The following CMPK2 variants were observed in gnomAD, a reference collection of about 807,000 sequenced individuals.
The protein encoded by CMPK2 is UMP-CMP kinase 2, mitochondrial.
In CMPK2, 32 loss-of-function variants were observed where a neutral mutation model predicts 33.4. That is an observed-to-expected ratio of 0.96 (90% CI 0.72 to 1.29). The LOEUF (loss-of-function observed/expected upper bound fraction) is 1.29, where lower values mean the gene tolerates loss of function less well. CMPK2 is among the 50% of genes most tolerant of loss of function. The probability of loss-of-function intolerance (pLI) is 0.00; values close to 1 mark genes in which losing one functional copy is unlikely to be tolerated. For synonymous variants in CMPK2, 299 were observed against 275.3 expected, an observed-to-expected ratio of 1.09 and a Z score of -0.85; for missense variants, 672 against 616.0, an observed-to-expected ratio of 1.09 and a Z score of -0.96.
chr2:6,859,279 T>C (rs2712043), intron 3 of CMPK2, among the ~76,000 whole-genome samples: 145,338 of 152,300 alleles, frequency 0.95, 69,701 homozygotes, highest in East Asian at 1. Context: ...GACAATGTGA[T>C]AGAAAAGAAA....
intron 3 of CMPK2, among the ~76,000 whole-genome samples, chr2:6,853,313 T>A (rs1662581074): frequency 6.6e-6 from 1 of 152,156 alleles, no homozygotes; most frequent in Admixed American, 6.5e-5. Flanking sequence ...CAGTGAAAAG[T>A]ACACAGTGGT....
Position 6,865,153 on chromosome 2 carries a change from C to G in CMPK2, c.544G>C (p.Gly182Arg). ...GCGCAGCCCACCTGCAGCCGCCTGC[C>G]GTCTTGCACCTCCCAGAGGCGCTGC... Reference protein sequence around the residue: ...LWQRLWEVQDGRRLQVGCAQV... With the variant: ...LWQRLWEVQDRRRLQVGCAQV... Residue 182 changes from glycine to arginine, a missense_variant, in exon 1 of 5, where the codon GGC (glycine) becomes CGC (arginine). Gly to Arg is a moderately radical substitution (Grantham distance 125). Coordinates refer to ENST00000256722, the MANE Select transcript of CMPK2 (RefSeq NM_207315.4). 1 of 1,532,734 alleles carries G rather than the reference C, an allele frequency of 6.5e-7. No individual in the cohort carries two copies. Among genetic ancestry groups the G allele is most frequent in the Non-Finnish European group, 8.8e-7 (1 of 1,141,130 alleles). The allele number at this position is 1,532,734 out of a possible 1,614,324, so 94.9% of individuals were successfully genotyped here.
At chr2:6,858,629 C>T (rs1662785085) in intron 3 of CMPK2, among the ~76,000 whole-genome samples, 1 of 152,188 alleles carries the variant, frequency 6.6e-6, no homozygotes, top group Non-Finnish European at 1.5e-5. Context: ...GGGAGTTTCC[C>T]TACACAAGCT....
chr2:6,854,209 T>C (rs938548650), intron 3 of CMPK2, among the ~76,000 whole-genome samples: 7 of 152,248 alleles, frequency 4.6e-5, no homozygotes, highest in East Asian at 1.9e-4. Flanking sequence ...TCCAGATTCA[T>C]TGAATTAAAT....
chr2:6,851,172 C>A, intron 4 of CMPK2: 1 of 1,257,196 alleles, frequency 8.0e-7, no homozygotes, highest in South Asian at 1.6e-5. Flanking sequence ...GGCACAGAGA[C>A]ACTTACTGTC....
intron 3 of CMPK2, among the ~76,000 whole-genome samples, chr2:6,853,615 C>T (rs1182019929): frequency 6.6e-6 from 1 of 152,068 alleles, no homozygotes; most frequent in Non-Finnish European, 1.5e-5. Context: ...GATAACAGAA[C>T]ACAGGACAGC....
At chr2:6,855,573 C>T (rs1270083849) in intron 3 of CMPK2, among the ~76,000 whole-genome samples, 2 of 152,108 alleles carry the variant, frequency 1.3e-5, no homozygotes, top group Non-Finnish European at 2.9e-5. Context: ...AACAATAGGG[C>T]AAAAACATTT....
At chr2:6,846,302 C>A (rs1364257188), downstream of CMPK2, among the ~76,000 whole-genome samples, 2 of 152,126 alleles carry the variant, frequency 1.3e-5, no homozygotes, top group East Asian at 3.9e-4. Flanking sequence ...AGGAAAAAAA[C>A]AACCCAAAAG....
chr2:6,843,341 G>A (rs1662277192), downstream of CMPK2, among the ~76,000 whole-genome samples: 1 of 152,184 alleles, frequency 6.6e-6, no homozygotes, highest in South Asian at 2.1e-4. Context: ...TGAGATGGAG[G>A]TCCTGAACTA....
At position 6,861,267 on chromosome 2, in the gene CMPK2, T is replaced by C; in HGVS notation, c.909A>G (p.Arg303=). The stretch of plus-strand genomic sequence containing the variant: ...AATTGCCCAAAGAGTAAAAAGCTCT[T>C]CTAATGATAGTTGGTTCATCATCAA... The part of the protein sequence containing the change: ...KIFDDEPTII[R]RAFYSLGNYI... Residue 303 remains arginine, a synonymous_variant, in exon 3 of 5, where the codon AGA becomes AGG. Coordinates refer to ENST00000256722, the MANE Select transcript of CMPK2 (RefSeq NM_207315.4). 6.2e-7 allele frequency: 1 copy of C among 1,614,106 alleles called. No homozygotes were observed. Among genetic ancestry groups the C allele is most frequent in the Non-Finnish European group, 8.5e-7 (1 of 1,179,992 alleles).
At chr2:6,862,915 C>T (rs1020284391) in intron 2 of CMPK2, among the ~76,000 whole-genome samples, 2 of 152,194 alleles carry the variant, frequency 1.3e-5, no homozygotes, top group African/African-American at 2.4e-5. Flanking sequence ...AGCATGTCTG[C>T]CCCTTTTGTA....
At position 6,848,467 on chromosome 2, in the gene CMPK2, C is replaced by T. The variant is rs371540948; in HGVS notation, c.*1383G>A. ...AGCTAGATACCACATTGCAAAGAACCCTAATGCTATTTATCAGCTTTAAAA... is the reference window on the plus strand; with the variant it reads ...AGCTAGATACCACATTGCAAAGAACTCTAATGCTATTTATCAGCTTTAAAA... On this transcript the variant is annotated 3_prime_UTR_variant, in exon 5 of 5. Coordinates refer to ENST00000256722, the MANE Select transcript of CMPK2 (RefSeq NM_207315.4). The T allele has an allele frequency of 3.1e-6, 3 of 979,344 alleles. No homozygotes were observed. Among genetic ancestry groups the T allele is most frequent in the Non-Finnish European group, 3.6e-6 (3 of 824,456 alleles). The allele number at this position is 979,344 out of a possible 1,614,324, so 60.7% of individuals were successfully genotyped here.
Position 6,849,168 on chromosome 2 carries a change from T to G in CMPK2, c.*682A>C. 1 of 985,338 alleles carries G rather than the reference T, an allele frequency of 1.0e-6. No individual in the cohort carries two copies. Among genetic ancestry groups the G allele is most frequent in the Non-Finnish European group, 1.2e-6 (1 of 829,824 alleles). 61.0% of individuals were successfully genotyped at this position (985,338 alleles called of 1,614,324 possible). A position where few individuals can be genotyped will look rare whatever the true frequency, so the allele number is the denominator to read the frequency against. On this transcript the variant is annotated 3_prime_UTR_variant, in exon 5 of 5. Transcript: ENST00000256722. ...ATAATTCAGAGAAGGTTGGTATATTTGCAGTTGGAGCATCTTGGCTTGAAT... is the reference window on the plus strand; with the variant it reads ...ATAATTCAGAGAAGGTTGGTATATTGGCAGTTGGAGCATCTTGGCTTGAAT...
At position 6,849,984 on chromosome 2, in the gene CMPK2, G is replaced by A. The variant is rs2103217959; in HGVS notation, c.1227-11C>T. The A allele has an allele frequency of 6.2e-7, 1 of 1,602,542 alleles. No individual in the cohort carries two copies. On this transcript the variant is annotated splice_polypyrimidine_tract_variant and intron_variant, in intron 4 of 4. Coordinates refer to ENST00000256722, the MANE Select transcript of CMPK2 (RefSeq NM_207315.4). ...TAGGACATTTCTACCCTGGGGACAG[G>A]CAAAACACAAAGAGTTGGTCTACTT...
chr2:6,851,424 A>G, intron 4 of CMPK2, 26 bp downstream of exon 4: 1 of 1,614,064 alleles, frequency 6.2e-7, no homozygotes, highest in Non-Finnish European at 8.5e-7. Flanking sequence ...CCTGCCGCTC[A>G]CATTGCATTG....
intron 1 of CMPK2, among the ~76,000 whole-genome samples, 176 bp downstream of exon 1, chr2:6,864,846 A>G (rs1455556808): frequency 1.3e-5 from 2 of 152,306 alleles, no homozygotes; most frequent in East Asian, 3.9e-4. Flanking sequence ...CCTTGCAAAC[A>G]AGAATCTTAA....
At chr2:6,842,540 G>A (rs1328320695) in intron 3 of CMPK2, among the ~76,000 whole-genome samples, 1 of 152,140 alleles carries the variant, frequency 6.6e-6, no homozygotes, top group East Asian at 1.9e-4. Context: ...CTGCTGGGCT[G>A]GGCCTCAGGC....
chr2:6,844,956 G>A (rs1205896487), downstream of CMPK2, among the ~76,000 whole-genome samples: 1 of 152,166 alleles, frequency 6.6e-6, no homozygotes, highest in Non-Finnish European at 1.5e-5. Flanking sequence ...GAATAAGTGA[G>A]GCAGGTAGGG....
chr2:6,852,177 A>G (rs1001828234), intron 3 of CMPK2, among the ~76,000 whole-genome samples: 2 of 152,192 alleles, frequency 1.3e-5, no homozygotes, highest in Non-Finnish European at 2.9e-5. Context: ...TGTTTCTCCC[A>G]ACTATCCAGT....
Sources: allele counts gnomAD v4.1 joint callset (sites outside exome capture counted in the v4.1 genomes callset), GRCh38; gene constraint gnomAD v4.1.1; transcripts MANE v1.5; gene names NCBI Gene and HGNC (gene_info 2026-07-23, HGNC 2026-07-21).